The following FAM24B variants were observed in gnomAD, a reference collection of about 807,000 sequenced individuals.
The protein encoded by FAM24B is family with sequence similarity 24 member B.
Under a neutral mutation model 2.3 loss-of-function variants are expected in FAM24B, and 3 were observed. The ratio of observed to expected loss-of-function variants is 1.29; its 90% CI spans 0.59 to 3.32. The LOEUF (loss-of-function observed/expected upper bound fraction) is 3.32. FAM24B is among the 30% of genes most tolerant of loss of function. FAM24B has a pLI of 0.03. For missense variants in FAM24B, 98 were observed against 117.2 expected (o/e 0.84, Z 0.76); for synonymous variants, 36 against 46.3 (o/e 0.78, Z 0.90).
intron 1 of FAM24B, among the ~76,000 whole-genome samples, chr10:122,858,351 G>A (rs1847670933): frequency 6.7e-6 from 1 of 149,324 alleles, no homozygotes; most frequent in African/African-American, 2.5e-5. Context: ...GGAACTGAAC[G>A]ATGAGAACAC....
In FAM24B at chr10:122,849,361, G is replaced by C; in HGVS notation, c.171C>G (p.Ala57=). The change falls in exon 4 of 4, where the codon GCC becomes GCG. Residue 57 remains alanine (A), a synonymous_variant. Transcript: ENST00000368898. ...DKVWWAKNSQ[A]KTIATESCPA... Reference sequence around the variant, plus strand: ...GACAAGACTCCGTGGCAATGGTTTTGGCCTGGCTGTTCTTGGCCCACCACA... The same window carrying C: ...GACAAGACTCCGTGGCAATGGTTTTCGCCTGGCTGTTCTTGGCCCACCACA... 6.2e-7 allele frequency: 1 copy of C among 1,613,394 alleles called. No individual in the cohort carries two copies. The highest frequency in any genetic ancestry group is 8.5e-7 in the Non-Finnish European group (1 of 1,179,682).
chr10:122,867,883 C>T (rs962797143), intron 1 of FAM24B, among the ~76,000 whole-genome samples: 1 of 152,148 alleles, frequency 6.6e-6, no homozygotes, highest in African/African-American at 2.4e-5. Context: ...AATCAGAGCG[C>T]CTCTCCTCCT....
intron 1 of FAM24B, among the ~76,000 whole-genome samples, chr10:122,877,686 A>C (rs1271155836): frequency 6.6e-6 from 1 of 152,214 alleles, no homozygotes; most frequent in African/African-American, 2.4e-5. Flanking sequence ...ATGATAATTT[A>C]AACTATAGCC....
At chr10:122,878,606 T>G (rs575836748) in intron 1 of FAM24B, among the ~76,000 whole-genome samples, 1 of 151,882 alleles carries the variant, frequency 6.6e-6, no homozygotes, top group Non-Finnish European at 1.5e-5. Flanking sequence ...GATAAAAGAT[T>G]AGAGGGCAGT....
intron 1 of FAM24B, among the ~76,000 whole-genome samples, chr10:122,870,036 T>C (rs1403889692): frequency 2.6e-5 from 4 of 152,124 alleles, no homozygotes; most frequent in Non-Finnish European, 1.5e-5. Flanking sequence ...GATAGACCGC[T>C]AGTAAGACTA....
chr10:122,858,211 T>C (rs2950362), intron 1 of FAM24B, among the ~76,000 whole-genome samples: 2,156 of 152,274 alleles, frequency 0.014, 31 homozygotes, highest in East Asian at 0.068. Flanking sequence ...CACCATGGAA[T>C]ACTATGCAGC....
chr10:122,857,334 T>C (rs978755848), intron 1 of FAM24B, among the ~76,000 whole-genome samples: 5 of 152,218 alleles, frequency 3.3e-5, no homozygotes, highest in Non-Finnish European at 7.3e-5. Flanking sequence ...AGCTGGAATC[T>C]TGGGGGTCAT....
At chr10:122,855,554 C>T (rs184027531) in intron 2 of FAM24B, 91 bp downstream of exon 2, 24 of 152,342 alleles carry the variant, frequency 1.6e-4, no homozygotes, top group Middle Eastern at 3.4e-3. Flanking sequence ...TGTGACAAGA[C>T]TGAGTCTGTC....
intron 1 of FAM24B, among the ~76,000 whole-genome samples, chr10:122,859,052 T>C (rs1847686521): frequency 6.6e-6 from 1 of 152,226 alleles, no homozygotes; most frequent in Non-Finnish European, 1.5e-5. Flanking sequence ...TTGGTCTCTC[T>C]GCATCTTTTG....
At chr10:122,860,807 A>G (rs551443266) in intron 1 of FAM24B, among the ~76,000 whole-genome samples, 1 of 152,158 alleles carries the variant, frequency 6.6e-6, no homozygotes, top group African/African-American at 2.4e-5. Context: ...TTTGCCATCC[A>G]TATGCTTATT....
At chr10:122,869,039 A>G (rs1488742835) in intron 1 of FAM24B, among the ~76,000 whole-genome samples, 3 of 152,138 alleles carry the variant, frequency 2.0e-5, no homozygotes, top group Non-Finnish European at 4.4e-5. Flanking sequence ...CAGGAAACCC[A>G]TCTCACGTGC....
intron 1 of FAM24B, among the ~76,000 whole-genome samples, chr10:122,860,610 T>G (rs1010523801): frequency 6.6e-6 from 1 of 152,236 alleles, no homozygotes; most frequent in African/African-American, 2.4e-5. Context: ...TACAGAGTGC[T>G]TGTATCATTT....
intron 1 of FAM24B, among the ~76,000 whole-genome samples, chr10:122,865,791 C>T (rs1476152287): frequency 1.3e-5 from 2 of 150,962 alleles, no homozygotes; most frequent in Non-Finnish European, 2.9e-5. Context: ...TTTTTTTTTA[C>T]TAGATATAGG....
intron 1 of FAM24B, among the ~76,000 whole-genome samples, chr10:122,873,187 A>C (rs1847925720): frequency 6.6e-6 from 1 of 152,204 alleles, no homozygotes; most frequent in Admixed American, 6.5e-5. Context: ...GCACAGCTAG[A>C]GAGGTCAACG....
At chr10:122,877,524 G>A (rs1847993996) in intron 1 of FAM24B, among the ~76,000 whole-genome samples, 2 of 152,158 alleles carry the variant, frequency 1.3e-5, no homozygotes, top group Admixed American at 1.3e-4. Context: ...CTACAATAGT[G>A]GTGTTATCTG....
rs1847484103 is a variant in FAM24B, at chr10:122,849,237, C to T, written c.*10G>A. 6.5e-7 allele frequency: 1 copy of T among 1,527,740 alleles called. No individual in the cohort carries two copies. The allele number at this position is 1,527,740 out of a possible 1,614,324, so 94.6% of individuals were successfully genotyped here. On this transcript the variant is annotated 3_prime_UTR_variant, in exon 4 of 4. Transcript: ENST00000368898. ...TGCTCATGAAGATTTTTGTGCCCAC[C>T]TTTCCTAACTCAGAGGCCCTCATTT...
Position 122,869,903 on chromosome 10 carries a change from A to C in FAM24B, c.-178+9582T>G, listed in dbSNP as rs191269589. Reference sequence around the variant, plus strand: ...GAGAAGCAAAAGCAAACACATTCAAAAGCTAGCAGAAGGCAAGAAACAACT... The same window carrying C: ...GAGAAGCAAAAGCAAACACATTCAACAGCTAGCAGAAGGCAAGAAACAACT... On this transcript the variant is annotated intron_variant, in intron 1 of 3. Coordinates refer to ENST00000368898, the MANE Select transcript of FAM24B (RefSeq NM_152644.3). Among the ~76,000 whole-genome samples the C allele has an allele frequency of 3.3e-3, 505 of 152,346 alleles. 6 individuals carry two copies. Among genetic ancestry groups the C allele is most frequent in the African/African-American group, 0.012 (492 of 41,578 alleles).
intron 1 of FAM24B, among the ~76,000 whole-genome samples, chr10:122,866,027 C>T (rs1052057577): frequency 3.3e-5 from 5 of 151,956 alleles, no homozygotes; most frequent in East Asian, 1.9e-4. Flanking sequence ...CCTAGCCTCC[C>T]GAGTAGCTGG....
rs1455938390 is a variant in FAM24B, at chr10:122,849,302, C to T, written c.230G>A (p.Cys77Tyr). 6.3e-7 allele frequency: 1 copy of T among 1,595,402 alleles called. No homozygotes were observed. The highest frequency in any genetic ancestry group is 1.3e-5 in the African/African-American group (1 of 74,286). ...AGGTGGCAGGGAATCAAAACTGGCA[C>T]ACATTCTATATCCTTCACAGCACTG... ...ALQCCEGYRM[C>Y]ASFDSLPPCC... The change falls in exon 4 of 4, where the codon TGT becomes TAT. Residue 77 changes from cysteine (C) to tyrosine (Y), a missense_variant. Coordinates refer to ENST00000368898, the MANE Select transcript of FAM24B (RefSeq NM_152644.3).
Sources: gnomAD v4.1 joint callset for allele counts (sites outside exome capture counted in the v4.1 genomes callset) on GRCh38, gnomAD v4.1.1 for gene constraint, MANE v1.5 for transcripts, NCBI Gene and HGNC (gene_info 2026-07-23, HGNC 2026-07-21) for gene names.